KCNU1: variants seen among roughly 807,000 people sequenced by gnomAD.
The protein encoded by KCNU1 is potassium calcium-activated channel subfamily U member 1.
Under a neutral mutation model 126.8 loss-of-function variants are expected in KCNU1, and 93 were observed. The ratio of observed to expected loss-of-function variants is 0.73; its 90% CI spans 0.62 to 0.87. The LOEUF (loss-of-function observed/expected upper bound fraction) is 0.87. KCNU1 is among the 40% of genes least tolerant of loss of function. The probability of loss-of-function intolerance (pLI) is 0.00; values close to 1 mark genes in which losing one functional copy is unlikely to be tolerated. For missense variants in KCNU1, 1,330 were observed against 1,367.1 expected, an observed-to-expected ratio of 0.97 and a Z score of 0.43; for synonymous variants, 523 against 494.2, an observed-to-expected ratio of 1.06 and a Z score of -0.77.
chr8:36,932,465 G>C (rs529184324), intron 25 of KCNU1, among the ~76,000 whole-genome samples: 1 of 152,160 alleles, frequency 6.6e-6, no homozygotes, highest in South Asian at 2.1e-4. Flanking sequence ...TATTCATAAT[G>C]ATCTTGTTGG....
In KCNU1 at chr8:36,807,398, C is replaced by A. The variant is rs747155579; in HGVS notation, c.604C>A (p.Arg202Ser). Residue 202 changes from arginine to serine, a missense_variant, in exon 6 of 27, where the codon CGC (arginine) becomes AGC (serine). Around this residue, in one of 3 missense-constraint regions of KCNU1, gnomAD observed 247 missense variants for 255.4 expected, o/e 0.97. Coordinates refer to ENST00000399881, the MANE Select transcript of KCNU1 (RefSeq NM_001031836.3). ...WLGLRFLRALRLLELPQILQI... is the reference protein window; with the variant it reads ...WLGLRFLRALSLLELPQILQI... Reference sequence around the variant, plus strand: ...AGGTTTAAGGTTCCTAAGAGCCTTGCGCCTGCTAGAACTCCCTCAAATCTT... The same window carrying A: ...AGGTTTAAGGTTCCTAAGAGCCTTGAGCCTGCTAGAACTCCCTCAAATCTT... 1.2e-6 allele frequency: 2 copies of A among 1,613,334 alleles called. No homozygotes were observed. Among genetic ancestry groups the A allele is most frequent in the Admixed American group, 1.7e-5 (1 of 59,990 alleles).
At chr8:36,801,283 C>A (rs181035869) in intron 2 of KCNU1, among the ~76,000 whole-genome samples, 2 of 152,268 alleles carry the variant, frequency 1.3e-5, no homozygotes, top group East Asian at 1.9e-4. Flanking sequence ...GCTTGATGGG[C>A]ACCAGGTGAT....
chr8:36,910,412 A>C (rs1033124224), intron 21 of KCNU1, among the ~76,000 whole-genome samples: 8 of 152,158 alleles, frequency 5.3e-5, no homozygotes, highest in African/African-American at 1.9e-4. Context: ...GTTAGGAATT[A>C]CCACTATATT....
intron 22 of KCNU1, among the ~76,000 whole-genome samples, chr8:36,916,270 A>G (rs1171771077): frequency 6.7e-6 from 1 of 149,362 alleles, no homozygotes; most frequent in Non-Finnish European, 1.5e-5. Flanking sequence ...GAAGGAAAGG[A>G]AGGAAGGAAG....
chr8:36,854,279 T>C (rs1291788824), intron 18 of KCNU1, among the ~76,000 whole-genome samples: 4 of 152,160 alleles, frequency 2.6e-5, no homozygotes, highest in Non-Finnish European at 5.9e-5. Context: ...TTTGAGAAGT[T>C]ATTGGCCATT....
chr8:36,837,436 G>T (rs1804792364), intron 14 of KCNU1, among the ~76,000 whole-genome samples: 1 of 152,104 alleles, frequency 6.6e-6, no homozygotes, highest in African/African-American at 2.4e-5. Context: ...TTCCATGCAG[G>T]AATAATAACA....
At chr8:36,877,295 T>G (rs946120441) in intron 19 of KCNU1, among the ~76,000 whole-genome samples, 3 of 151,678 alleles carry the variant, frequency 2.0e-5, no homozygotes, top group Non-Finnish European at 2.9e-5. Flanking sequence ...AAATCTCTAG[T>G]TTTTCCTCTG....
At chr8:36,930,767 A>G (rs1281485520) in intron 24 of KCNU1, among the ~76,000 whole-genome samples, 184 bp from the exon 25 acceptor site, 1 of 152,082 alleles carries the variant, frequency 6.6e-6, no homozygotes, top group African/African-American at 2.4e-5. Context: ...CACTTGGCCT[A>G]ACCTGGCACA....
At chr8:36,844,533 A>G (rs1026974925) in intron 16 of KCNU1, among the ~76,000 whole-genome samples, 3 of 152,230 alleles carry the variant, frequency 2.0e-5, no homozygotes, top group African/African-American at 7.2e-5. Flanking sequence ...AAGTCAGTAA[A>G]TACTCAGAAA....
intron 10 of KCNU1, among the ~76,000 whole-genome samples, chr8:36,818,476 A>C (rs566877661): frequency 4.2e-4 from 64 of 151,982 alleles, no homozygotes; most frequent in African/African-American, 1.4e-3. Context: ...TTTTTCTTCC[A>C]ACTTCACCTT....
At chr8:36,846,659 G>A (rs1805158419) in intron 18 of KCNU1, among the ~76,000 whole-genome samples, 1 of 152,008 alleles carries the variant, frequency 6.6e-6, no homozygotes, top group African/African-American at 2.4e-5. Context: ...AAAATTAGCT[G>A]GGCGTGGCAG....
intron 22 of KCNU1, among the ~76,000 whole-genome samples, chr8:36,918,046 T>C (rs897653368): frequency 2.6e-5 from 4 of 152,204 alleles, no homozygotes; most frequent in Non-Finnish European, 5.9e-5. Context: ...CCTAAAGCAC[T>C]CATGGGGACA....
chr8:36,864,547 T>C lies in KCNU1; in HGVS notation c.2009+26T>C, dbSNP rs111816435. 32 of 1,350,912 alleles carry C rather than the reference T, an allele frequency of 2.4e-5. 1 individual carries two copies. The African/African-American group carries it at 3.0e-4, about 13-fold the overall frequency. 83.7% of individuals were successfully genotyped at this position (1,350,912 alleles called of 1,614,324 possible). On this transcript the variant is annotated intron_variant, in intron 19 of 26. Transcript: ENST00000399881. ...GTAAAAGCTGCAGAGAACCCTGGTC[T>C]CCTATAGTTTTTTTGAGAATCAGTG...
chr8:36,841,596 T>C (rs181949326), intron 16 of KCNU1, among the ~76,000 whole-genome samples: 6 of 152,226 alleles, frequency 3.9e-5, no homozygotes, highest in Non-Finnish European at 7.4e-5. Context: ...CTTGGGAGGC[T>C]GACGCATGAG....
At chr8:36,876,840 T>C (rs1443173820) in intron 19 of KCNU1, among the ~76,000 whole-genome samples, 1 of 152,174 alleles carries the variant, frequency 6.6e-6, no homozygotes, top group African/African-American at 2.4e-5. Context: ...CCTTGTCTAA[T>C]AATATACGCC....
chr8:36,918,418 G>T (rs1808205531), intron 22 of KCNU1, among the ~76,000 whole-genome samples: 1 of 151,796 alleles, frequency 6.6e-6, no homozygotes, highest in South Asian at 2.1e-4. Flanking sequence ...AGCTGGGTAT[G>T]GAGGCATGTG....
intron 2 of KCNU1, among the ~76,000 whole-genome samples, chr8:36,803,161 A>T (rs541032585): frequency 5.9e-5 from 9 of 152,290 alleles, no homozygotes; most frequent in African/African-American, 2.2e-4. Context: ...AGGAATAAAA[A>T]CCTAGAAATG....
intron 19 of KCNU1, among the ~76,000 whole-genome samples, chr8:36,902,469 G>C (rs748392429): frequency 2.0e-5 from 3 of 152,068 alleles, no homozygotes; most frequent in Admixed American, 6.6e-5. Flanking sequence ...AAAGTGACCA[G>C]AAGGAAAGTA....
intron 13 of KCNU1, 123 bp from the exon 14 acceptor site, chr8:36,836,670 G>A (rs1469849229): frequency 2.3e-6 from 2 of 862,260 alleles, no homozygotes; most frequent in Non-Finnish European, 3.6e-6. Context: ...CACCACTTTT[G>A]TGTGCAAAAA....
Sources: gnomAD v4.1 joint callset for allele counts (sites outside exome capture counted in the v4.1 genomes callset) on GRCh38, gnomAD v4.1.1 for gene constraint, gnomAD v4.1.1 regional missense constraint, MANE v1.5 for transcripts, NCBI Gene and HGNC (gene_info 2026-07-23, HGNC 2026-07-21) for gene names.